Variants in TNRC18 observed in about 807,000 individuals in gnomAD.
The protein encoded by TNRC18 is trinucleotide repeat containing 18.
A neutral mutation model predicts 226.7 loss-of-function variants in TNRC18; 69 were observed. The ratio of observed to expected loss-of-function variants is 0.30; its 90% CI spans 0.25 to 0.37. TNRC18 has a LOEUF of 0.37. Among genes scored for constraint, TNRC18 ranks in the 10% least tolerant of loss-of-function variants. The pLI, the probability that TNRC18 is intolerant of heterozygous loss-of-function variation, is 1.00. For missense variants in TNRC18, 4,754 were observed against 4,256.6 expected, an observed-to-expected ratio of 1.12 and a Z score of -3.25; for synonymous variants, 2,449 against 1,927.6, an observed-to-expected ratio of 1.27 and a Z score of -7.09.
At chr7:5,383,730 CAG>C (rs1779559165) in intron 5 of TNRC18, among the ~76,000 whole-genome samples, 1 of 152,190 alleles carries the variant, frequency 6.6e-6, no homozygotes, top group East Asian at 1.9e-4. Flanking sequence ...CTGGACTGCC[CAG>C]AGAGAAATGA....
Position 5,312,789 on chromosome 7 carries a change from G to C in TNRC18, c.8102C>G (p.Thr2701Ser). 6.5e-7 allele frequency: 1 copy of C among 1,533,974 alleles called. No homozygotes were observed. The highest frequency in any genetic ancestry group is 8.7e-7 in the Non-Finnish European group (1 of 1,144,930). Residue 2701 changes from threonine (T) to serine (S), a missense_variant, in exon 27 of 30, where the codon ACC (threonine) becomes AGC (serine). Physicochemically the swap from Thr to Ser is moderately conservative, Grantham distance 58. Coordinates refer to ENST00000430969, the MANE Select transcript of TNRC18 (RefSeq NM_001080495.3). This position sits in a 1 kb window ranked among gnomAD's most constrained non-coding sequence, Gnocchi z 6.3. ...CTTGCCGGCCTGCTTGGTGGCCTTG[G>C]TGGGGAGCGCCGCCTGCGCGGAAGG... ...AGPSAQAALP[T>S]KATKQAGKAR...
At chr7:5,390,200 C>A (rs879633192) in intron 4 of TNRC18, 29 of 516,892 alleles carry the variant, frequency 5.6e-5, no homozygotes, top group Non-Finnish European at 9.1e-5. Context: ...TCCACCTCTA[C>A]AGAAAAGTTA....
At chr7:5,360,208 TTTA>T (rs1215583635) in intron 14 of TNRC18, among the ~76,000 whole-genome samples, 1 of 124,758 alleles carries the variant, frequency 8.0e-6, no homozygotes, top group South Asian at 2.4e-4. Flanking sequence ...CTGTATTTTA[TTTA>T]TTTATTTATT....
intron 18 of TNRC18, among the ~76,000 whole-genome samples, chr7:5,338,439 A>T (rs1269672229): frequency 6.6e-6 from 1 of 152,030 alleles, no homozygotes; most frequent in Admixed American, 6.6e-5. Flanking sequence ...AGCAACAAAG[A>T]AGAACATTCT....
chr7:5,314,952 A>G (rs1237414997), intron 26 of TNRC18, 32 bp downstream of exon 26: 1 of 1,580,626 alleles, frequency 6.3e-7, no homozygotes, highest in African/African-American at 1.4e-5. Context: ...AGATCCGCCC[A>G]CCGCCCTGCC....
At position 5,394,904 on chromosome 7, in the gene TNRC18, C is replaced by G. The variant is rs1469693095; in HGVS notation, c.188-309G>C. On this transcript the variant is annotated intron_variant, in intron 2 of 29. Coordinates refer to ENST00000430969, the MANE Select transcript of TNRC18 (RefSeq NM_001080495.3). The surrounding 1 kb of genome is among the most constrained non-coding windows in gnomAD (Gnocchi z 4.5). ...AGGGCCTTCCACCCCTGCCGCCCAA[C>G]CAGCCCAGATCCGGCCCGGCACCAT... Among the ~76,000 whole-genome samples, 1 of 152,186 alleles carries G rather than the reference C, an allele frequency of 6.6e-6. No individual in the cohort carries two copies. The highest frequency in any genetic ancestry group is 2.4e-5 in the African/African-American group (1 of 41,440).
At chr7:5,390,051 G>T (rs1237345383) in intron 4 of TNRC18, 3 of 243,954 alleles carry the variant, frequency 1.2e-5, no homozygotes, top group African/African-American at 2.2e-5. Flanking sequence ...GCCTGTGGGG[G>T]GTCTTAGGGA....
chr7:5,423,237 C>T (rs1782681335), intron 1 of TNRC18: 1 of 152,280 alleles, frequency 6.6e-6, no homozygotes, highest in Admixed American at 6.5e-5. Context: ...GCGTGGGTGC[C>T]CGGGGCCCAG....
In TNRC18 at chr7:5,324,409, C is replaced by G; in HGVS notation, c.6301-54G>C. On this transcript the variant is annotated intron_variant, in intron 20 of 29. Transcript: ENST00000430969. The surrounding 1 kb of genome is among the most constrained non-coding windows in gnomAD (Gnocchi z 4.8). ...CTTAGGACCTGAACAGGGGTCCTGCCGGGTTGGGGACCCTCTCTGGAAACC... is the reference window on the plus strand; with the variant it reads ...CTTAGGACCTGAACAGGGGTCCTGCGGGGTTGGGGACCCTCTCTGGAAACC... The G allele has an allele frequency of 2.5e-6, 4 of 1,594,454 alleles. No homozygotes were observed. Among genetic ancestry groups the G allele is most frequent in the African/African-American group, 1.3e-5 (1 of 74,766 alleles).
At chr7:5,361,746 C>A in intron 13 of TNRC18, 24 bp from the exon 14 acceptor site, 1 of 1,557,166 alleles carries the variant, frequency 6.4e-7, no homozygotes, top group Non-Finnish European at 8.7e-7. Flanking sequence ...ACACGCTTGG[C>A]TGTGACGCTG....
intron 19 of TNRC18, 155 bp from the exon 20 acceptor site, chr7:5,325,403 C>T (rs1256275740): frequency 5.1e-6 from 4 of 789,952 alleles, no homozygotes; most frequent in African/African-American, 1.9e-5. Flanking sequence ...TTCCTGCAAG[C>T]GTTTTTGGTT....
intron 2 of TNRC18, among the ~76,000 whole-genome samples, chr7:5,400,204 ATTG>A (rs1441149273): frequency 6.6e-6 from 1 of 152,010 alleles, no homozygotes; most frequent in South Asian, 2.1e-4. Flanking sequence ...GTCTATGATT[ATTG>A]TTATTATTTA....
intron 2 of TNRC18, among the ~76,000 whole-genome samples, chr7:5,406,778 G>C (rs1417901382): frequency 6.7e-6 from 1 of 148,850 alleles, no homozygotes; most frequent in African/African-American, 2.5e-5. Flanking sequence ...TTGAACCCAG[G>C]AGGCAGAGGT....
At chr7:5,327,144 A>C (rs548640640) in intron 19 of TNRC18, among the ~76,000 whole-genome samples, 23 of 152,308 alleles carry the variant, frequency 1.5e-4, no homozygotes, top group African/African-American at 2.4e-4. Context: ...AAACAACAAC[A>C]ACCACCAAAA....
chr7:5,398,172 A>AT (rs111908004), intron 2 of TNRC18, among the ~76,000 whole-genome samples: 28,686 of 148,748 alleles, frequency 0.19, 3,487 homozygotes, highest in Middle Eastern at 0.31. Context: ...AGCAAAAAAA[A>AT]ATTTTTTTTT....
intron 2 of TNRC18, among the ~76,000 whole-genome samples, chr7:5,417,633 G>T (rs1352918713): frequency 2.0e-5 from 3 of 152,202 alleles, no homozygotes; most frequent in African/African-American, 7.2e-5. Flanking sequence ...CACGCAGGAA[G>T]CACTTGGAAA....
intron 17 of TNRC18, among the ~76,000 whole-genome samples, chr7:5,347,353 ATTTTTT>A: frequency 7.4e-6 from 1 of 135,662 alleles, no homozygotes; most frequent in Non-Finnish European, 1.6e-5. Context: ...CACCAGGCTA[ATTTTTT>A]TTTTTTTTTT....
rs575567396 is a variant in TNRC18, at chr7:5,345,430, C to T, written c.5719+132G>A. On this transcript the variant is annotated intron_variant, in intron 18 of 29. Transcript: ENST00000430969. ...CCCTGATCAGCACGGGGCTGGCCCACGAGGCTGGGGTTCTGCCCATTCCCA... is the reference window on the plus strand; with the variant it reads ...CCCTGATCAGCACGGGGCTGGCCCATGAGGCTGGGGTTCTGCCCATTCCCA... The T allele has an allele frequency of 9.2e-5, 84 of 915,502 alleles. No individual in the cohort carries two copies. The South Asian group carries it at 1.2e-3, about 13-fold the overall frequency. 56.7% of individuals were successfully genotyped at this position (915,502 alleles called of 1,614,324 possible).
At chr7:5,319,723 G>A (rs1289909847) in intron 24 of TNRC18, among the ~76,000 whole-genome samples, 3 of 152,086 alleles carry the variant, frequency 2.0e-5, no homozygotes, top group Admixed American at 6.6e-5. Flanking sequence ...TGGCCAAGCT[G>A]GTCTTGAACT....
Sources: allele counts gnomAD v4.1 joint callset (sites outside exome capture counted in the v4.1 genomes callset), GRCh38; gene constraint gnomAD v4.1.1; non-coding constraint Gnocchi (gnomAD v3.1); transcripts MANE v1.5; gene names NCBI Gene and HGNC (gene_info 2026-07-23, HGNC 2026-07-21).